PRTFDC1: variants seen among roughly 807,000 people sequenced by gnomAD.
PRTFDC1 encodes the protein phosphoribosyl transferase domain containing 1, also known as phosphoribosyltransferase domain-containing protein 1.
In PRTFDC1, 38 loss-of-function variants were observed where a neutral mutation model predicts 34.6. That is an observed-to-expected ratio of 1.10 (90% CI 0.85 to 1.44). The LOEUF (loss-of-function observed/expected upper bound fraction) is 1.44, where lower values mean the gene tolerates loss of function less well. Ranked by LOEUF, PRTFDC1 falls within the 40% of genes most tolerant of loss-of-function variation. PRTFDC1 has a pLI of 0.00. For synonymous variants in PRTFDC1, 93 were observed against 98.1 expected, an observed-to-expected ratio of 0.95 and a Z score of 0.31; for missense variants, 270 against 283.0, an observed-to-expected ratio of 0.95 and a Z score of 0.33.
chr10:24,854,768 G>A (rs1847544378), intron 7 of PRTFDC1, among the ~76,000 whole-genome samples: 1 of 152,110 alleles, frequency 6.6e-6, no homozygotes, highest in South Asian at 2.1e-4. Flanking sequence ...TCTGTGTTAC[G>A]GAGCTTTGGT....
At chr10:24,873,444 C>A (rs1165692703) in intron 3 of PRTFDC1, among the ~76,000 whole-genome samples, 1 of 152,168 alleles carries the variant, frequency 6.6e-6, no homozygotes, top group Non-Finnish European at 1.5e-5. Flanking sequence ...CTAACAATAA[C>A]CTTGGGGAGA....
chr10:24,852,720 C>T (rs762943858), intron 7 of PRTFDC1, among the ~76,000 whole-genome samples: 2 of 152,174 alleles, frequency 1.3e-5, no homozygotes, highest in African/African-American at 4.8e-5. Flanking sequence ...TGGAATCTTA[C>T]AGGTTTGTTT....
chr10:24,880,815 C>CTTTCTTTCTTTCTTTCT (rs1848057034), intron 3 of PRTFDC1, among the ~76,000 whole-genome samples: 22 of 54,664 alleles, frequency 4.0e-4, no homozygotes, highest in Admixed American at 1.9e-3. Flanking sequence ...CTGTCTTTCT[C>CTTTCTTTCTTTCTTTCT]TTTCTTTCTT....
At chr10:24,918,905 A>G (rs1307114185) in intron 3 of PRTFDC1, among the ~76,000 whole-genome samples, 2 of 152,148 alleles carry the variant, frequency 1.3e-5, no homozygotes, top group African/African-American at 4.8e-5. Context: ...GCAGTGTGGA[A>G]AGACTGTGGC....
chr10:24,854,978 C>T (rs1437938473), intron 7 of PRTFDC1, among the ~76,000 whole-genome samples: 1 of 152,184 alleles, frequency 6.6e-6, no homozygotes, highest in Non-Finnish European at 1.5e-5. Context: ...TGAGTCAGTC[C>T]AGCGGGATCA....
intron 3 of PRTFDC1, among the ~76,000 whole-genome samples, chr10:24,896,416 T>C (rs972683850): frequency 6.6e-5 from 10 of 152,046 alleles, no homozygotes; most frequent in Non-Finnish European, 1.3e-4. Context: ...ACAAAACTGG[T>C]CCCCGGTGAC....
In PRTFDC1 at chr10:24,950,088, C is replaced by G. The variant is rs564544008; in HGVS notation, c.48+2440G>C. 4.2e-4 allele frequency among the ~76,000 whole-genome samples: 64 copies of G among 152,210 alleles called. No individual in the cohort carries two copies. In the East Asian group the frequency reaches 4.8e-3, roughly 12 times the overall value. On this transcript the variant is annotated intron_variant, in intron 1 of 8. Transcript: ENST00000320152. ...CTCTTTGCATCTTTCAAAAAATTAC[C>G]TTGCTTCCAAGAGGACCTCTGTTGA... is the stretch of plus-strand genomic sequence containing the variant.
intron 1 of PRTFDC1, among the ~76,000 whole-genome samples, chr10:24,947,071 T>A (rs1031641756): frequency 2.6e-5 from 4 of 152,174 alleles, no homozygotes; most frequent in African/African-American, 4.8e-5. Flanking sequence ...GTCTAGGAGG[T>A]CAAGGCTGTA....
chr10:24,855,838 G>C (rs921533201), intron 6 of PRTFDC1, among the ~76,000 whole-genome samples: 5 of 151,880 alleles, frequency 3.3e-5, no homozygotes, highest in African/African-American at 9.7e-5. Context: ...AAAGGTAGCT[G>C]TCAGCCAGGC....
At chr10:24,903,988 T>G (rs938510503) in intron 3 of PRTFDC1, among the ~76,000 whole-genome samples, 1 of 152,076 alleles carries the variant, frequency 6.6e-6, no homozygotes, top group Non-Finnish European at 1.5e-5. Flanking sequence ...TGCACCGAGC[T>G]GGAGTTCTAT....
At chr10:24,887,123 A>G (rs1169074603) in intron 3 of PRTFDC1, among the ~76,000 whole-genome samples, 1 of 150,592 alleles carries the variant, frequency 6.6e-6, no homozygotes, top group African/African-American at 2.4e-5. Context: ...GGCGCCCGCC[A>G]CCGCGCCCGG....
chr10:24,940,014 A>G (rs1186355273), intron 2 of PRTFDC1, among the ~76,000 whole-genome samples: 7 of 152,138 alleles, frequency 4.6e-5, no homozygotes, highest in Non-Finnish European at 1.0e-4. Flanking sequence ...ATCCAAAGAG[A>G]CATAACAATT....
At chr10:24,875,279 C>T (rs1847943506) in intron 3 of PRTFDC1, among the ~76,000 whole-genome samples, 1 of 152,192 alleles carries the variant, frequency 6.6e-6, no homozygotes, top group Admixed American at 6.5e-5. Flanking sequence ...TTTAAATCCT[C>T]TTTTAGCTGT....
chr10:24,857,645 G>A (rs947369491), intron 5 of PRTFDC1, among the ~76,000 whole-genome samples: 2 of 152,072 alleles, frequency 1.3e-5, no homozygotes, highest in African/African-American at 4.8e-5. Flanking sequence ...ATGTAGCCAG[G>A]GTTGGGCAAT....
intron 3 of PRTFDC1, among the ~76,000 whole-genome samples, chr10:24,904,410 C>T (rs944281407): frequency 8.5e-5 from 13 of 152,116 alleles, no homozygotes; most frequent in African/African-American, 3.1e-4. Context: ...GAGATGTCCC[C>T]CCTCAAAGAC....
intron 2 of PRTFDC1, among the ~76,000 whole-genome samples, chr10:24,941,404 T>C (rs897686195): frequency 4.6e-4 from 70 of 152,030 alleles, no homozygotes; most frequent in African/African-American, 1.6e-3. Context: ...GATCTCAGTA[T>C]TTGAGATTAG....
intron 1 of PRTFDC1, among the ~76,000 whole-genome samples, chr10:24,946,485 C>T (rs1366495619): frequency 1.3e-5 from 2 of 152,034 alleles, no homozygotes; most frequent in Admixed American, 1.3e-4. Context: ...AACCTATAAA[C>T]TGTAATATGG....
intron 7 of PRTFDC1, among the ~76,000 whole-genome samples, chr10:24,852,874 T>A (rs759871043): frequency 1.3e-5 from 2 of 151,984 alleles, no homozygotes; most frequent in Non-Finnish European, 2.9e-5. Flanking sequence ...AAACGACTGG[T>A]TCATGCTCAT....
chr10:24,888,828 A>G (rs982542335), intron 3 of PRTFDC1, among the ~76,000 whole-genome samples: 2 of 152,342 alleles, frequency 1.3e-5, no homozygotes, highest in African/African-American at 4.8e-5. Context: ...AACTCAACAC[A>G]GCAAAACTTA....
Sources: allele counts gnomAD v4.1 joint callset (sites outside exome capture counted in the v4.1 genomes callset), GRCh38; gene constraint gnomAD v4.1.1; transcripts MANE v1.5; gene names NCBI Gene and HGNC (gene_info 2026-07-23, HGNC 2026-07-21).